Variants in DAPK1 observed in about 807,000 individuals in gnomAD.
The protein encoded by DAPK1 is death-associated protein kinase 1.
Under a neutral mutation model 144.9 loss-of-function variants are expected in DAPK1, and 56 were observed. The observed-to-expected ratio is 0.39, with a 90% CI of 0.31 to 0.48. DAPK1 has a LOEUF of 0.48. Among genes scored for constraint, DAPK1 ranks in the 20% least tolerant of loss-of-function variants. DAPK1 has a pLI of 0.95. For synonymous variants in DAPK1, 690 were observed against 749.0 expected, an observed-to-expected ratio of 0.92 and a Z score of 1.29; for missense variants, 1,454 against 1,875.4, an observed-to-expected ratio of 0.78 and a Z score of 4.15.
Position 87,645,928 on chromosome 9 carries a change from A to G in DAPK1, c.1045A>G (p.Ile349Val). 1 of 1,614,134 alleles carries G rather than the reference A, an allele frequency of 6.2e-7. No individual in the cohort carries two copies. The highest frequency in any genetic ancestry group is 8.5e-7 in the Non-Finnish European group (1 of 1,179,984). ...EEDSFVMKAIIHAINDDNVPG... is the reference protein window; with the variant it reads ...EEDSFVMKAIVHAINDDNVPG... ...AGACTCCTTTGTGATGAAAGCCATC[A>G]TCCATGCCATCAACGATGACAATGT... The change falls in exon 12 of 26, where the codon ATC becomes GTC. Residue 349 changes from isoleucine (I) to valine (V), a missense_variant. Around this residue, in one of 2 missense-constraint regions of DAPK1, gnomAD observed 429 missense variants for 637.5 expected, o/e 0.67. Transcript: ENST00000408954.
At chr9:87,527,141 G>A (rs1200070526) in intron 2 of DAPK1, among the ~76,000 whole-genome samples, 2 of 152,350 alleles carry the variant, frequency 1.3e-5, no homozygotes, top group South Asian at 4.1e-4. Context: ...GCCTGGTGTA[G>A]AGATTCATTC....
chr9:87,647,741 G>A (rs898308177), intron 14 of DAPK1, among the ~76,000 whole-genome samples: 3 of 152,274 alleles, frequency 2.0e-5, no homozygotes, highest in Admixed American at 6.5e-5. Flanking sequence ...GCTTTTAAGC[G>A]GATCTCTCCT....
In DAPK1 at chr9:87,643,366, T is replaced by TTTA. The variant is rs71354773; in HGVS notation, c.919-10_919-9insTTA. ...CCCTCCCTTTTTTTTTTTTTTTTTT[T>TTTA]AAAAAAAAGCAATCCGTTCGCTTGA... On this transcript the variant is annotated splice_polypyrimidine_tract_variant and intron_variant, in intron 10 of 25. Transcript: ENST00000408954. 1.3e-3 allele frequency: 1,798 copies of TTTA among 1,348,926 alleles called. 19 individuals carry two copies. In the African/African-American group the frequency reaches 0.03, roughly 22 times the overall value. The allele number at this position is 1,348,926 out of a possible 1,614,324, so 83.6% of individuals were successfully genotyped here.
At chr9:87,666,513 AC>A (rs1348948119) in intron 18 of DAPK1, among the ~76,000 whole-genome samples, 1 of 146,870 alleles carries the variant, frequency 6.8e-6, no homozygotes, top group Non-Finnish European at 1.5e-5. Flanking sequence ...TCATTCTGTC[AC>A]CCAGGCTGGA....
chr9:87,525,345 G>C, intron 2 of DAPK1: 1 of 1,611,208 alleles, frequency 6.2e-7, no homozygotes, highest in Admixed American at 1.7e-5. Context: ...CGAAAATTCG[G>C]CCAGGGTTCT....
intron 2 of DAPK1, among the ~76,000 whole-genome samples, chr9:87,591,831 G>A (rs1828144895): frequency 6.6e-6 from 1 of 152,198 alleles, no homozygotes; most frequent in Non-Finnish European, 1.5e-5. Flanking sequence ...TCTGCTCAGA[G>A]CTTACCTCCA....
Position 87,506,762 on chromosome 9 carries a change from A to G in DAPK1, c.62+7623A>G, listed in dbSNP as rs560858839. The G allele has an allele frequency of 2.6e-5, 4 of 152,364 alleles. No individual in the cohort carries two copies. The South Asian group carries it at 8.3e-4, about 32-fold the overall frequency. The allele number at this position is 152,364 out of a possible 1,614,324, so 9.4% of individuals were successfully genotyped here. ...AAAGAGGTTATATGACAGTACAATT[A>G]TAATAAATTCAGTGTATGACTTTGG... On this transcript the variant is annotated intron_variant, in intron 2 of 25. Coordinates refer to ENST00000408954, the MANE Select transcript of DAPK1 (RefSeq NM_004938.4).
At chr9:87,653,076 G>A (rs1830510678) in intron 17 of DAPK1, among the ~76,000 whole-genome samples, 1 of 146,688 alleles carries the variant, frequency 6.8e-6, no homozygotes, top group Non-Finnish European at 1.5e-5. Flanking sequence ...CCCAGGTCCT[G>A]ATTCTGTGTC....
intron 2 of DAPK1, among the ~76,000 whole-genome samples, chr9:87,579,296 C>T (rs886786261): frequency 9.2e-5 from 14 of 152,132 alleles, no homozygotes; most frequent in African/African-American, 2.9e-4. Context: ...TTGATTGAAG[C>T]GGTGAATGAC....
intron 2 of DAPK1, among the ~76,000 whole-genome samples, chr9:87,564,006 T>A (rs1322660867): frequency 6.6e-6 from 1 of 152,222 alleles, no homozygotes; most frequent in Non-Finnish European, 1.5e-5. Flanking sequence ...TTATTTAGTT[T>A]AGGATGCCCG....
rs143161576 is a variant in DAPK1, at chr9:87,658,054, C to T, written c.1850C>T (p.Ala617Val). Reference protein sequence around the residue: ...NKYGRTPLHLAANNGILDVVR... With the variant: ...NKYGRTPLHLVANNGILDVVR... Reference sequence around the variant, plus strand: ...TATGGGCGAACGCCTCTGCACCTTGCGGCCAACAACGGAATCCTAGACGTG... The same window carrying T: ...TATGGGCGAACGCCTCTGCACCTTGTGGCCAACAACGGAATCCTAGACGTG... The change falls in exon 18 of 26, where the codon GCG (alanine) becomes GTG (valine). Residue 617 changes from alanine to valine, a missense_variant. Ala to Val is a moderately conservative substitution (Grantham distance 64, BLOSUM62 0). Around this residue, in one of 2 missense-constraint regions of DAPK1, gnomAD observed 1,025 missense variants for 1,237.9 expected, o/e 0.83. Coordinates refer to ENST00000408954, the MANE Select transcript of DAPK1 (RefSeq NM_004938.4). The T allele has an allele frequency of 1.3e-6, 2 of 1,514,502 alleles. No homozygotes were observed. The highest frequency in any genetic ancestry group is 1.8e-6 in the Non-Finnish European group (2 of 1,090,110). The allele number at this position is 1,514,502 out of a possible 1,614,324, so 93.8% of individuals were successfully genotyped here. A position where few individuals can be genotyped will look rare whatever the true frequency, so the allele number is the denominator to read the frequency against.
chr9:87,535,929 C>T (rs1321509423), intron 2 of DAPK1, among the ~76,000 whole-genome samples: 3 of 152,098 alleles, frequency 2.0e-5, no homozygotes, highest in Non-Finnish European at 2.9e-5. Context: ...ATTTGCTCAT[C>T]GGTTTTCTGA....
intron 2 of DAPK1, among the ~76,000 whole-genome samples, chr9:87,570,875 T>A (rs2118740100): frequency 6.6e-6 from 1 of 152,300 alleles, no homozygotes; most frequent in African/African-American, 2.4e-5. Flanking sequence ...AAGTGTCATA[T>A]GCTCAGTTTG....
chr9:87,686,552 C>A lies in DAPK1; in HGVS notation c.2226C>A (p.Val742=), dbSNP rs753342710. 4 of 1,538,610 alleles carry A rather than the reference C, an allele frequency of 2.6e-6. No individual in the cohort carries two copies. Among genetic ancestry groups the A allele is most frequent in the South Asian group, 1.2e-5 (1 of 84,648 alleles). The change falls in exon 21 of 26, where the codon GTC becomes GTA. Residue 742 remains valine, a splice_region_variant and synonymous_variant. Coordinates refer to ENST00000408954, the MANE Select transcript of DAPK1 (RefSeq NM_004938.4). The surrounding 1 kb of genome is among the most constrained non-coding windows in gnomAD (Gnocchi z 4.2). ...PPSPLASKPT[V]SVSINNLYPG... is the part of the protein sequence containing the mutation. ...CATGTGATCCTTTCCATCCTGCAGT[C>A]TCAGTGAGCATCAACAACCTGTACC...
chr9:87,702,515 G>GA (rs1469383563), intron 24 of DAPK1, among the ~76,000 whole-genome samples: 1 of 152,180 alleles, frequency 6.6e-6, no homozygotes, highest in Non-Finnish European at 1.5e-5. Context: ...AGTCACGAGA[G>GA]AGAGAGCGAG....
chr9:87,686,910 T>A lies in DAPK1; in HGVS notation c.2413+171T>A. 1 of 952,640 alleles carries A rather than the reference T, an allele frequency of 1.0e-6. No homozygotes were observed. 59.0% of individuals were successfully genotyped at this position (952,640 alleles called of 1,614,324 possible). On this transcript the variant is annotated intron_variant, in intron 21 of 25. Transcript: ENST00000408954. The surrounding 1 kb of genome is among the most constrained non-coding windows in gnomAD (Gnocchi z 4.2). ...CTGAAGCATGGCTGGCTACCATCCC[T>A]AAACAGTGAAATTAAACACTGGGGT...
chr9:87,543,445 A>G (rs1191941301), intron 2 of DAPK1, among the ~76,000 whole-genome samples: 1 of 152,246 alleles, frequency 6.6e-6, no homozygotes, highest in Non-Finnish European at 1.5e-5. Context: ...TCTTTAAAAT[A>G]CATTGTTAAT....
chr9:87,707,042 G>A lies in DAPK1; in HGVS notation c.3971G>A (p.Gly1324Glu), dbSNP rs1223447575. Residue 1324 changes from glycine (G) to glutamate (E), a missense_variant, in exon 26 of 26, where the codon GGG becomes GAG. Physicochemically the swap from Gly to Glu is moderately conservative, Grantham distance 98. Transcript: ENST00000408954. The surrounding 1 kb of genome is among the most constrained non-coding windows in gnomAD (Gnocchi z 4.0). ...CTGCTGGACCCGCCCGACCCCCTGG[G>A]GAAGGACTGGTGCCTTCTCGCCATG... ...SRLLDPPDPL[G>E]KDWCLLAMNL... 2 of 1,613,538 alleles carry A rather than the reference G, an allele frequency of 1.2e-6. No homozygotes were observed. The highest frequency in any genetic ancestry group is 1.7e-6 in the Non-Finnish European group (2 of 1,179,752).
chr9:87,696,040 A>G (rs1291697647), intron 21 of DAPK1, among the ~76,000 whole-genome samples: 1 of 152,168 alleles, frequency 6.6e-6, no homozygotes, highest in Non-Finnish European at 1.5e-5. Context: ...CATTATTATT[A>G]TGGATGTGGT....
Sources: gnomAD v4.1 joint callset for allele counts (sites outside exome capture counted in the v4.1 genomes callset) on GRCh38, gnomAD v4.1.1 for gene constraint, gnomAD v4.1.1 regional missense constraint, Gnocchi (gnomAD v3.1) non-coding constraint, MANE v1.5 for transcripts, NCBI Gene and HGNC (gene_info 2026-07-23, HGNC 2026-07-21) for gene names.